SETBP1: variants seen among roughly 807,000 people sequenced by gnomAD.
SETBP1 encodes the protein SET-binding protein.
A neutral mutation model predicts 101.0 loss-of-function variants in SETBP1; 9 were observed. That is an observed-to-expected ratio of 0.09 (90% CI 0.05 to 0.16). The LOEUF (loss-of-function observed/expected upper bound fraction) is 0.16. Among genes scored for constraint, SETBP1 ranks in the 10% least tolerant of loss-of-function variants. The probability of loss-of-function intolerance (pLI) is 1.00; values close to 1 mark genes in which losing one functional copy is unlikely to be tolerated. For synonymous variants in SETBP1, 818 were observed against 788.5 expected (o/e 1.04, Z -0.63); for missense variants, 1,858 against 2,033.8 (o/e 0.91, Z 1.66).
intron 1 of SETBP1, among the ~76,000 whole-genome samples, chr18:44,682,108 C>G (rs1004955059): frequency 1.3e-5 from 2 of 152,152 alleles, no homozygotes; most frequent in Non-Finnish European, 2.9e-5. Flanking sequence ...TAGATTTATA[C>G]TAAAAACTAA....
At chr18:44,815,797 G>T (rs748023918) in intron 2 of SETBP1, among the ~76,000 whole-genome samples, 5 of 152,148 alleles carry the variant, frequency 3.3e-5, no homozygotes, top group Admixed American at 6.5e-5. Flanking sequence ...ACTCAGACAG[G>T]CAAAACAACA....
At chr18:44,717,205 G>A (rs1050705980) in intron 2 of SETBP1, among the ~76,000 whole-genome samples, 8 of 152,146 alleles carry the variant, frequency 5.3e-5, no homozygotes, top group Non-Finnish European at 7.3e-5. Context: ...ACCCAAGGCT[G>A]GAATCAGAGT....
intron 3 of SETBP1, among the ~76,000 whole-genome samples, chr18:44,937,843 T>G (rs905659912): frequency 6.6e-6 from 1 of 152,148 alleles, no homozygotes; most frequent in African/African-American, 2.4e-5. Flanking sequence ...CTCCACGGTT[T>G]GGTCTGGCTC....
At chr18:44,895,276 G>A (rs2069872762) in intron 3 of SETBP1, among the ~76,000 whole-genome samples, 1 of 79,964 alleles carries the variant, frequency 1.3e-5, no homozygotes, top group Admixed American at 1.2e-4. Flanking sequence ...GGGGAGGGAG[G>A]GGGAGGGAAG....
Position 44,770,411 on chromosome 18 carries a change from A to C in SETBP1, c.486+68579A>C, listed in dbSNP as rs556038308. 1.7e-3 allele frequency among the ~76,000 whole-genome samples: 255 copies of C among 152,328 alleles called. 1 individual carries two copies. The highest frequency in any genetic ancestry group is 6.0e-3 in the African/African-American group (250 of 41,578). On this transcript the variant is annotated intron_variant, in intron 2 of 5. Transcript: ENST00000649279. ...ATCAGTTAGACATCAAACATCTTCC[A>C]AGTTCACCTCCTTTATTTGGTTTAT...
intron 4 of SETBP1, among the ~76,000 whole-genome samples, chr18:45,012,718 G>T (rs2072864776): frequency 6.6e-6 from 1 of 152,164 alleles, no homozygotes; most frequent in Non-Finnish European, 1.5e-5. Flanking sequence ...CAGCAAAATG[G>T]ATGGAACTAC....
chr18:44,879,317 C>G (rs2069479023), intron 3 of SETBP1, among the ~76,000 whole-genome samples: 1 of 152,136 alleles, frequency 6.6e-6, no homozygotes, highest in African/African-American at 2.4e-5. Flanking sequence ...TGGACTTGTA[C>G]TAGCTGTGTG....
At chr18:45,020,034 G>C (rs1023363526) in intron 4 of SETBP1, among the ~76,000 whole-genome samples, 1 of 151,854 alleles carries the variant, frequency 6.6e-6, no homozygotes, top group Non-Finnish European at 1.5e-5. Flanking sequence ...ATAAAATATG[G>C]TTGGTATTAT....
In SETBP1 at chr18:44,716,277, G is replaced by A. The variant is rs548416462; in HGVS notation, c.486+14445G>A. Among the ~76,000 whole-genome samples, 7 of 152,186 alleles carry A rather than the reference G, an allele frequency of 4.6e-5. No individual in the cohort carries two copies. The South Asian group carries it at 1.5e-3, about 32-fold the overall frequency. On this transcript the variant is annotated intron_variant, in intron 2 of 5. Transcript: ENST00000649279. ...GCTGCTGCTGTCAGCTATAAGTGGG[G>A]GATCCCCTTGTTTAAGAACCTATAC... is the stretch of plus-strand genomic sequence containing the variant.
chr18:44,834,547 G>A (rs1332337715), intron 2 of SETBP1, among the ~76,000 whole-genome samples: 2 of 152,158 alleles, frequency 1.3e-5, no homozygotes, highest in African/African-American at 4.8e-5. Flanking sequence ...GTGGCCCCCG[G>A]AAGCTATAGA....
intron 4 of SETBP1, among the ~76,000 whole-genome samples, chr18:45,014,216 T>C (rs2072897494): frequency 6.6e-6 from 1 of 152,100 alleles, no homozygotes; most frequent in Admixed American, 6.5e-5. Flanking sequence ...CTGAGCTTCA[T>C]AGGGAAAGCT....
intron 2 of SETBP1, among the ~76,000 whole-genome samples, chr18:44,853,726 A>G (rs1022221286): frequency 1.3e-5 from 2 of 152,250 alleles, no homozygotes; most frequent in African/African-American, 4.8e-5. Flanking sequence ...AGGTCATGAC[A>G]GGATTTGGAT....
At chr18:44,922,609 C>G (rs368643523) in intron 3 of SETBP1, among the ~76,000 whole-genome samples, 12 of 152,286 alleles carry the variant, frequency 7.9e-5, no homozygotes, top group African/African-American at 2.9e-4. Flanking sequence ...TTGTGTGGCC[C>G]AGTTAAAAAT....
At chr18:44,689,972 A>G (rs2068902421) in intron 1 of SETBP1, among the ~76,000 whole-genome samples, 3 of 152,228 alleles carry the variant, frequency 2.0e-5, no homozygotes, top group Admixed American at 2.0e-4. Context: ...CCTGTCAGAG[A>G]CTTCCACACA....
chr18:44,924,187 T>C (rs1165012843), intron 3 of SETBP1, among the ~76,000 whole-genome samples: 1 of 152,190 alleles, frequency 6.6e-6, no homozygotes, highest in African/African-American at 2.4e-5. Flanking sequence ...AACTGCCATC[T>C]AGTTAATAAA....
intron 2 of SETBP1, among the ~76,000 whole-genome samples, chr18:44,750,022 A>C (rs1341149173): frequency 6.6e-6 from 1 of 152,210 alleles, no homozygotes. Context: ...CTTGAAGAAC[A>C]GGAAAGATTT....
At chr18:44,774,001 A>G in intron 2 of SETBP1, among the ~76,000 whole-genome samples, 1 of 152,160 alleles carries the variant, frequency 6.6e-6, no homozygotes, top group Non-Finnish European at 1.5e-5. Flanking sequence ...GCCTGGGGAC[A>G]ACATGGCCAT....
chr18:44,999,751 A>G (rs1010978295), intron 4 of SETBP1, among the ~76,000 whole-genome samples: 2 of 152,206 alleles, frequency 1.3e-5, no homozygotes, highest in Non-Finnish European at 2.9e-5. Context: ...TTTTCTGTGT[A>G]TGTACAGCCC....
At chr18:44,809,081 C>T (rs561613087) in intron 2 of SETBP1, among the ~76,000 whole-genome samples, 5 of 152,204 alleles carry the variant, frequency 3.3e-5, no homozygotes, top group South Asian at 2.1e-4. Flanking sequence ...CTGGAAGGTT[C>T]GTGTGTGGTC....
Sources: allele counts gnomAD v4.1 joint callset (sites outside exome capture counted in the v4.1 genomes callset), GRCh38; gene constraint gnomAD v4.1.1; transcripts MANE v1.5; gene names NCBI Gene and HGNC (gene_info 2026-07-23, HGNC 2026-07-21).